The following CDHR3 variants were observed in gnomAD, a reference collection of about 807,000 sequenced individuals.
The protein encoded by CDHR3 is cadherin-related family member 3.
A neutral mutation model predicts 86.6 loss-of-function variants in CDHR3; 79 were observed. The observed-to-expected ratio is 0.91, with a 90% CI of 0.76 to 1.10. CDHR3 has a LOEUF of 1.10. CDHR3 is among the 50% of genes least tolerant of loss of function. The pLI, the probability that CDHR3 is intolerant of heterozygous loss-of-function variation, is 0.00. For synonymous variants in CDHR3, 421 were observed against 402.4 expected (o/e 1.05, Z -0.55); for missense variants, 1,081 against 1,077.6 (o/e 1.00, Z -0.04).
chr7:105,984,371 G>A (rs542989279), intron 4 of CDHR3, 82 bp downstream of exon 4: 2 of 1,052,126 alleles, frequency 1.9e-6, no homozygotes, highest in South Asian at 1.8e-5. Flanking sequence ...TCTTGGCGGG[G>A]TGAGTTTGGG....
intron 8 of CDHR3, among the ~76,000 whole-genome samples, chr7:106,010,168 G>A (rs1400450224): frequency 6.6e-6 from 1 of 152,200 alleles, no homozygotes; most frequent in African/African-American, 2.4e-5. Flanking sequence ...TCAAGGCTTA[G>A]ATCCCCAAAC....
chr7:105,980,615 T>A (rs1829555161), intron 2 of CDHR3, among the ~76,000 whole-genome samples: 1 of 88,644 alleles, frequency 1.1e-5, no homozygotes, highest in African/African-American at 4.4e-5. Context: ...TAATTTTTTT[T>A]TTTTTTAATT....
intron 3 of CDHR3, among the ~76,000 whole-genome samples, chr7:105,983,863 C>T (rs979163113): frequency 6.6e-6 from 1 of 152,136 alleles, no homozygotes; most frequent in African/African-American, 2.4e-5. Context: ...ACCGGAGGTT[C>T]CTACCTGGGT....
intron 2 of CDHR3, among the ~76,000 whole-genome samples, chr7:105,980,564 C>T (rs1430766574): frequency 7.1e-6 from 1 of 140,568 alleles, no homozygotes; most frequent in Admixed American, 7.2e-5. Context: ...TTTCTAGGAG[C>T]CTACCCCCAA....
rs115647579 is a variant in CDHR3, at chr7:106,028,618, G to A, written c.2304+36G>A. ...GCAGTGTGGGGCACCAGGCATAGAC[G>A]CTGGGGGATAGGGGCTCCCGTCTCC... is the stretch of plus-strand genomic sequence containing the variant. On this transcript the variant is annotated intron_variant, in intron 17 of 18. Coordinates refer to ENST00000317716, the MANE Select transcript of CDHR3 (RefSeq NM_152750.5). 1,209 of 1,612,270 alleles carry A rather than the reference G, an allele frequency of 7.5e-4. 5 individuals are homozygous for A. In the African/African-American group the frequency reaches 0.014, roughly 19 times the overall value.
chr7:106,001,224 C>T (rs1235841319), intron 6 of CDHR3, among the ~76,000 whole-genome samples: 2 of 152,170 alleles, frequency 1.3e-5, no homozygotes, highest in Non-Finnish European at 2.9e-5. Flanking sequence ...GAGACTGTGG[C>T]CCATGTAAAT....
At chr7:105,967,071 A>G (rs1827070640) in intron 1 of CDHR3, among the ~76,000 whole-genome samples, 2 of 152,020 alleles carry the variant, frequency 1.3e-5, no homozygotes, top group African/African-American at 2.4e-5. Context: ...CATCATTTAC[A>G]TTAGGTATAT....
rs375457922 is a variant in CDHR3 at position 106,020,527 on chromosome 7, G to A, written c.1808G>A (p.Arg603His). The change falls in exon 13 of 19, where the codon CGT becomes CAT. Residue 603 changes from arginine (R) to histidine (H), a missense_variant. Arg to His is a conservative substitution (Grantham distance 29, BLOSUM62 0). Coordinates refer to ENST00000317716, the MANE Select transcript of CDHR3 (RefSeq NM_152750.5). ...CTTGATTCCAGCCCCAGATCTTTCC[G>A]TTATTCCATTGGCCCAGGTATAGTA... is the stretch of plus-strand genomic sequence containing the variant. ...TDLDSSPRSF[R>H]YSIGPGNVNN... 138 of 1,613,442 alleles carry A rather than the reference G, an allele frequency of 8.6e-5. No homozygotes were observed. The South Asian group carries it at 1.2e-3, about 14-fold the overall frequency.
intron 8 of CDHR3, among the ~76,000 whole-genome samples, chr7:106,005,596 C>G (rs967726149): frequency 1.2e-4 from 19 of 152,190 alleles, no homozygotes; most frequent in African/African-American, 4.6e-4. Context: ...CAGATGTCCC[C>G]ATGGGGAGAG....
chr7:106,016,549 T>G (rs1835652381), intron 11 of CDHR3, among the ~76,000 whole-genome samples: 2 of 152,112 alleles, frequency 1.3e-5, no homozygotes, highest in Non-Finnish European at 2.9e-5. Flanking sequence ...ACTCCCCACT[T>G]CCAGCTTCAC....
Position 106,035,511 on chromosome 7 carries a change from G to A in CDHR3, c.*2814G>A, listed in dbSNP as rs894701528. Among the ~76,000 whole-genome samples, 1 of 152,220 alleles carries A rather than the reference G, an allele frequency of 6.6e-6. No individual in the cohort carries two copies. Among genetic ancestry groups the A allele is most frequent in the African/African-American group, 2.4e-5 (1 of 41,456 alleles). ...CAAAATGCCCAGCAAAGCAGAGAAAGAATGAGGCAACGAAAGAATGAAAGC... is the reference window on the plus strand; with the variant it reads ...CAAAATGCCCAGCAAAGCAGAGAAAAAATGAGGCAACGAAAGAATGAAAGC... On this transcript the variant is annotated 3_prime_UTR_variant, in exon 19 of 19. Coordinates refer to ENST00000317716, the MANE Select transcript of CDHR3 (RefSeq NM_152750.5).
intron 7 of CDHR3, among the ~76,000 whole-genome samples, chr7:106,003,989 C>CAAAAAAAAAAAAAA (rs55815648): frequency 7.6e-3 from 602 of 79,444 alleles, no homozygotes; most frequent in Middle Eastern, 0.025. Flanking sequence ...CCAACCTAAC[C>CAAAAAAAAAAAAAA]AAAAAAAAAA....
intron 14 of CDHR3, among the ~76,000 whole-genome samples, chr7:106,023,735 A>G (rs988720408): frequency 1.3e-5 from 2 of 152,212 alleles, no homozygotes; most frequent in Non-Finnish European, 2.9e-5. Flanking sequence ...ATATGACCCC[A>G]GTGAATGGAG....
At chr7:105,978,363 T>C (rs1417065510) in intron 2 of CDHR3, among the ~76,000 whole-genome samples, 1 of 152,200 alleles carries the variant, frequency 6.6e-6, no homozygotes, top group African/African-American at 2.4e-5. Flanking sequence ...CCCTCTTTCA[T>C]TTGTCCATCT....
chr7:105,980,908 C>A, intron 2 of CDHR3, 60 bp from the exon 3 acceptor site: 1 of 1,459,788 alleles, frequency 6.9e-7, no homozygotes, highest in Non-Finnish European at 9.4e-7. Flanking sequence ...TTGCAAAGTG[C>A]ATGCATGCAA....
rs998267672 is a variant in CDHR3, at chr7:106,033,142, C to T, written c.*445C>T. 3.1e-5 allele frequency: 5 copies of T among 160,568 alleles called. No individual in the cohort carries two copies. The highest frequency in any genetic ancestry group is 5.9e-5 in the Admixed American group (1 of 16,980). The allele number at this position is 160,568 out of a possible 1,614,324, so 9.9% of individuals were successfully genotyped here. ...CCAGATTTCTTCAGTTATAAATATGCCATACACCTTTGTAAGTCACCTCAA... is the reference window on the plus strand; with the variant it reads ...CCAGATTTCTTCAGTTATAAATATGTCATACACCTTTGTAAGTCACCTCAA... On this transcript the variant is annotated 3_prime_UTR_variant, in exon 19 of 19. Coordinates refer to ENST00000317716, the MANE Select transcript of CDHR3 (RefSeq NM_152750.5).
Position 106,032,640 on chromosome 7 carries a change from G to T in CDHR3, c.2601G>T (p.Lys867Asn). Reference protein sequence around the residue: ...RNEGGKLGNPKNRNPAFMNRA... With the variant: ...RNEGGKLGNPNNRNPAFMNRA... ...AGGGTGGCAAGCTGGGCAACCCAAA[G>T]AACAGAAATCCAGCCTTCATGAACA... Residue 867 changes from lysine (K) to asparagine (N), a missense_variant, in exon 19 of 19, where the codon AAG (lysine) becomes AAT (asparagine). Physicochemically the swap from Lys to Asn is moderately conservative, Grantham distance 94. Coordinates refer to ENST00000317716, the MANE Select transcript of CDHR3 (RefSeq NM_152750.5). 6.2e-7 allele frequency: 1 copy of T among 1,613,792 alleles called. No homozygotes were observed. Among genetic ancestry groups the T allele is most frequent in the Non-Finnish European group, 8.5e-7 (1 of 1,179,816 alleles).
chr7:105,989,218 C>CG (rs1343066505), intron 4 of CDHR3, among the ~76,000 whole-genome samples: 1 of 86,902 alleles, frequency 1.2e-5, no homozygotes, highest in African/African-American at 4.9e-5. Context: ...GGGTACCCAC[C>CG]CCCCCACCTC....
chr7:106,013,503 T>C, intron 9 of CDHR3, among the ~76,000 whole-genome samples: 1 of 152,112 alleles, frequency 6.6e-6, no homozygotes, highest in East Asian at 1.9e-4. Context: ...CCCTGGCAAC[T>C]TCAAGGGACA....
Sources: gnomAD v4.1 joint callset for allele counts (sites outside exome capture counted in the v4.1 genomes callset) on GRCh38, gnomAD v4.1.1 for gene constraint, MANE v1.5 for transcripts, NCBI Gene and HGNC (gene_info 2026-07-23, HGNC 2026-07-21) for gene names.